TRPC7: variants seen among roughly 807,000 people sequenced by gnomAD.
TRPC7 encodes transient receptor potential cation channel subfamily C member 7, also known as short transient receptor potential channel 7.
In TRPC7, 42 loss-of-function variants were observed where a neutral mutation model predicts 90.1. That is an observed-to-expected ratio of 0.47 (90% CI 0.36 to 0.60). The LOEUF (loss-of-function observed/expected upper bound fraction) is 0.60. Ranked by LOEUF, TRPC7 falls within the 20% of genes least tolerant of loss-of-function variation. The probability of loss-of-function intolerance (pLI) is 0.00; values close to 1 mark genes in which losing one functional copy is unlikely to be tolerated. For missense variants in TRPC7, 955 were observed against 1,112.3 expected (o/e 0.86, Z 2.01); for synonymous variants, 451 against 436.3 (o/e 1.03, Z -0.42).
At chr5:136,260,164 G>A (rs1756810410) in intron 5 of TRPC7, among the ~76,000 whole-genome samples, 1 of 152,136 alleles carries the variant, frequency 6.6e-6, no homozygotes, top group African/African-American at 2.4e-5. Context: ...GAGGTGATTG[G>A]GAAAACCAGA....
At chr5:136,297,159 G>T (rs1758207844) in intron 3 of TRPC7, among the ~76,000 whole-genome samples, 1 of 152,094 alleles carries the variant, frequency 6.6e-6, no homozygotes, top group Admixed American at 6.5e-5. Flanking sequence ...CTGTTCCATG[G>T]TTTCCCACAC....
At chr5:136,336,151 G>A (rs1420041217) in intron 2 of TRPC7, among the ~76,000 whole-genome samples, 1 of 152,038 alleles carries the variant, frequency 6.6e-6, no homozygotes, top group Non-Finnish European at 1.5e-5. Context: ...ACTTTAAAAT[G>A]TCTCTTCTGA....
At chr5:136,276,484 T>C (rs1175632251) in intron 3 of TRPC7, among the ~76,000 whole-genome samples, 1 of 152,224 alleles carries the variant, frequency 6.6e-6, no homozygotes, top group Non-Finnish European at 1.5e-5. Context: ...TAAATAGAGC[T>C]ATTTTAAAAT....
chr5:136,241,483 G>C (rs1020187303), intron 7 of TRPC7, among the ~76,000 whole-genome samples: 1 of 152,076 alleles, frequency 6.6e-6, no homozygotes, highest in African/African-American at 2.4e-5. Flanking sequence ...CATTGCCTCC[G>C]GCCCCTCCTA....
chr5:136,294,573 A>G (rs1333640971), intron 3 of TRPC7, among the ~76,000 whole-genome samples: 1 of 152,146 alleles, frequency 6.6e-6, no homozygotes, highest in African/African-American at 2.4e-5. Context: ...AAAAATGCAA[A>G]TCAAAACCAC....
chr5:136,318,245 G>C (rs1561716823), intron 2 of TRPC7, among the ~76,000 whole-genome samples: 1 of 152,206 alleles, frequency 6.6e-6, no homozygotes. Flanking sequence ...ATTGGAAGGA[G>C]ATGACATACA....
chr5:136,229,308 T>C (rs931729097), intron 8 of TRPC7, among the ~76,000 whole-genome samples: 2 of 152,322 alleles, frequency 1.3e-5, no homozygotes, highest in African/African-American at 2.4e-5. Context: ...GCTCAATCTA[T>C]GCTCTTGCAG....
intron 7 of TRPC7, 146 bp from the exon 8 acceptor site, chr5:136,231,695 C>G (rs1380139453): frequency 1.4e-6 from 1 of 714,296 alleles, no homozygotes; most frequent in Admixed American, 3.0e-5. Context: ...GCCCTGACCT[C>G]CTGGACTCAA....
intron 3 of TRPC7, among the ~76,000 whole-genome samples, chr5:136,288,890 C>T (rs1217898577): frequency 6.6e-6 from 1 of 152,178 alleles, no homozygotes; most frequent in African/African-American, 2.4e-5. Context: ...TTTCTCTGGG[C>T]AGTGGTTTAT....
chr5:136,347,268 C>T (rs1484031115), intron 2 of TRPC7, among the ~76,000 whole-genome samples: 1 of 152,148 alleles, frequency 6.6e-6, no homozygotes, highest in African/African-American at 2.4e-5. Flanking sequence ...AAACAACCAC[C>T]CATACTCAAT....
chr5:136,350,383 A>G (rs747966207), intron 2 of TRPC7, among the ~76,000 whole-genome samples: 2 of 152,038 alleles, frequency 1.3e-5, no homozygotes, highest in Non-Finnish European at 2.9e-5. Context: ...CTTTTATCAC[A>G]CTCAAATAAC....
chr5:136,289,652 G>A (rs1030811310), intron 3 of TRPC7, among the ~76,000 whole-genome samples: 13 of 152,340 alleles, frequency 8.5e-5, no homozygotes, highest in African/African-American at 2.9e-4. Flanking sequence ...CGGGAAGCTC[G>A]AACTGGGTGG....
intron 5 of TRPC7, among the ~76,000 whole-genome samples, chr5:136,259,937 T>A (rs1756803287): frequency 6.6e-6 from 1 of 152,260 alleles, no homozygotes; most frequent in Admixed American, 6.5e-5. Flanking sequence ...GCTTTCACTT[T>A]CTCTGCCGAT....
chr5:136,353,272 T>C (rs1386176252), intron 2 of TRPC7, among the ~76,000 whole-genome samples: 4 of 152,202 alleles, frequency 2.6e-5, no homozygotes, highest in African/African-American at 9.6e-5. Context: ...GGTGATAAAT[T>C]AAAGTGACTC....
At position 136,357,218 on chromosome 5, in the gene TRPC7, G is replaced by A. The variant is rs1561733109; in HGVS notation, c.170C>T (p.Pro57Leu). The A allele has an allele frequency of 6.2e-7, 1 of 1,613,950 alleles. No homozygotes were observed. Among genetic ancestry groups the A allele is most frequent in the Non-Finnish European group, 8.5e-7 (1 of 1,180,018 alleles). ...CTCCTCCAGCATTTTCCGGACCACC[G>A]GGATGTTGCCATACTCAGCCGAGTC... ...FLDSAEYGNI[P>L]VVRKMLEESK... The change falls in exon 2 of 12, where the codon CCG becomes CTG. Residue 57 changes from proline (P) to leucine (L), a missense_variant. Pro to Leu is a moderately conservative substitution (Grantham distance 98). Coordinates refer to ENST00000513104, the MANE Select transcript of TRPC7 (RefSeq NM_020389.3).
chr5:136,278,690 G>A (rs528796861), intron 3 of TRPC7, among the ~76,000 whole-genome samples: 34 of 152,238 alleles, frequency 2.2e-4, no homozygotes, highest in African/African-American at 7.0e-4. Flanking sequence ...AGGGAGGCAG[G>A]GATTGGAACT....
At chr5:136,238,601 A>G (rs187399761) in intron 7 of TRPC7, among the ~76,000 whole-genome samples, 178 of 129,094 alleles carry the variant, frequency 1.4e-3, no homozygotes, top group African/African-American at 5.0e-3. Context: ...TTAGTGCATA[A>G]AAAGGTGAGA....
chr5:136,279,416 T>C (rs530405992), intron 3 of TRPC7, among the ~76,000 whole-genome samples: 3 of 152,260 alleles, frequency 2.0e-5, no homozygotes, highest in South Asian at 2.1e-4. Flanking sequence ...AGCCATTTCC[T>C]GAGTGCGGGG....
intron 1 of TRPC7, among the ~76,000 whole-genome samples, chr5:136,360,316 A>G (rs2149864176): frequency 7.4e-6 from 1 of 134,662 alleles, no homozygotes; most frequent in Non-Finnish European, 1.6e-5. Flanking sequence ...CAAAACATAA[A>G]AAGCAAAGTA....
Sources: gnomAD v4.1 joint callset for allele counts (sites outside exome capture counted in the v4.1 genomes callset) on GRCh38, gnomAD v4.1.1 for gene constraint, MANE v1.5 for transcripts, NCBI Gene and HGNC (gene_info 2026-07-23, HGNC 2026-07-21) for gene names.